Variants in CCT7 observed in about 807,000 individuals in gnomAD.
CCT7 encodes the protein T-complex protein 1 subunit eta.
CCT7 carries 16 observed loss-of-function variants against 56.6 expected under a neutral mutation model. The ratio of observed to expected loss-of-function variants is 0.28; its 90% CI spans 0.19 to 0.43. The LOEUF is 0.43. Ranked by LOEUF, CCT7 falls within the 20% of genes least tolerant of loss-of-function variation. CCT7 has a pLI of 1.00. For missense variants in CCT7, 519 were observed against 685.6 expected, an observed-to-expected ratio of 0.76 and a Z score of 2.71; for synonymous variants, 262 against 254.8, an observed-to-expected ratio of 1.03 and a Z score of -0.27.
chr2:73,234,451 C>G (rs1167672896), intron 1 of CCT7, 67 bp downstream of exon 1: 1 of 1,584,034 alleles, frequency 6.3e-7, no homozygotes. Flanking sequence ...GCCGCTCGGC[C>G]TGGGCTTGCT....
At chr2:73,239,536 C>T in intron 1 of CCT7, 107 bp from the exon 2 acceptor site, 3 of 1,015,560 alleles carry the variant, frequency 3.0e-6, no homozygotes, top group Admixed American at 4.7e-5. Flanking sequence ...TTAAGAAGAC[C>T]TCTAGATAAT....
chr2:73,250,589 G>A (rs1253387485), intron 10 of CCT7, 151 bp downstream of exon 10: 9 of 838,340 alleles, frequency 1.1e-5, no homozygotes, highest in South Asian at 1.7e-5. Flanking sequence ...ACAAATGGTA[G>A]AGAAACTGAG....
In CCT7 at chr2:73,240,332, G is replaced by T. The variant is rs546264723; in HGVS notation, c.161-105G>T. 17 of 656,570 alleles carry T rather than the reference G, an allele frequency of 2.6e-5. 1 individual carries two copies. The South Asian group carries it at 3.3e-4, about 13-fold the overall frequency. 40.7% of individuals were successfully genotyped at this position (656,570 alleles called of 1,614,324 possible). ...GGTATCCTTTCCCTTCAGCCCTGCCGTGATCCCCTCTGCCCCATCCCAGTA... is the reference window on the plus strand; with the variant it reads ...GGTATCCTTTCCCTTCAGCCCTGCCTTGATCCCCTCTGCCCCATCCCAGTA... On this transcript the variant is annotated intron_variant, in intron 2 of 11. Coordinates refer to ENST00000258091, the MANE Select transcript of CCT7 (RefSeq NM_006429.4).
intron 10 of CCT7, 44 bp from the exon 11 acceptor site, chr2:73,251,182 G>A (rs766505258): frequency 6.3e-7 from 1 of 1,586,326 alleles, no homozygotes; most frequent in African/African-American, 1.3e-5. Flanking sequence ...TGGAAGCTTG[G>A]ACCAGGGGCC....
chr2:73,250,253 T>C, intron 9 of CCT7, 53 bp from the exon 10 acceptor site: 1 of 1,607,406 alleles, frequency 6.2e-7, no homozygotes, highest in Non-Finnish European at 8.5e-7. Flanking sequence ...GACAATACAG[T>C]AGGATGGTGG....
At chr2:73,240,307 G>T in intron 2 of CCT7, 130 bp from the exon 3 acceptor site, 2 of 534,674 alleles carry the variant, frequency 3.7e-6, no homozygotes, top group East Asian at 3.1e-5. Context: ...AGATCAGATA[G>T]GTATCCTTTC....
intron 8 of CCT7, 108 bp from the exon 9 acceptor site, chr2:73,249,711 G>A: frequency 1.3e-6 from 1 of 760,934 alleles, no homozygotes; most frequent in Non-Finnish European, 2.4e-6. Context: ...GGCGGGTAAT[G>A]TAGAGGCTCT....
chr2:73,237,074 T>C (rs1686914151), intron 1 of CCT7, among the ~76,000 whole-genome samples: 9 of 152,238 alleles, frequency 5.9e-5, no homozygotes, highest in Admixed American at 5.9e-4. Context: ...ACTCTTCAAA[T>C]TAAGGTTATT....
intron 1 of CCT7, among the ~76,000 whole-genome samples, chr2:73,234,936 C>G (rs529971734): frequency 6.6e-6 from 1 of 152,162 alleles, no homozygotes; most frequent in Non-Finnish European, 1.5e-5. Context: ...TTCACTCATT[C>G]GCTCAGTCAT....
chr2:73,234,450 C>T (rs1015660016), intron 1 of CCT7, 66 bp downstream of exon 1: 2 of 1,584,782 alleles, frequency 1.3e-6, no homozygotes, highest in Non-Finnish European at 1.7e-6. Flanking sequence ...CGCCGCTCGG[C>T]CTGGGCTTGC....
chr2:73,249,071 T>C lies in CCT7; in HGVS notation c.864T>C (p.Val288=), dbSNP rs775018171. 3.8e-5 allele frequency: 62 copies of C among 1,614,076 alleles called. No homozygotes were observed. The highest frequency in any genetic ancestry group is 5.0e-5 in the Non-Finnish European group (59 of 1,180,036). The change falls in exon 8 of 12, where the codon GTT becomes GTC. Residue 288 remains valine, a synonymous_variant. Transcript: ENST00000258091. ...LEKIHHSGAK[V]VLSKLPIGDV... Reference sequence around the variant, plus strand: ...AGATCCATCATTCTGGAGCCAAAGTTGTCTTGTCCAAACTCCCCATTGGGG... The same window carrying C: ...AGATCCATCATTCTGGAGCCAAAGTCGTCTTGTCCAAACTCCCCATTGGGG...
chr2:73,247,999 G>A (rs2103798714), intron 7 of CCT7, 73 bp downstream of exon 7: 1 of 1,340,128 alleles, frequency 7.5e-7, no homozygotes. Flanking sequence ...GGTCTTCATG[G>A]CTATTGTGGG....
chr2:73,252,911 C>T lies in CCT7; in HGVS notation c.*50C>T, dbSNP rs892599307. ...TGGCTGGCTGCTGGGTGCACTTACCCTCCTTGGCTTGGTTACTTCATTTTA... is the reference window on the plus strand; with the variant it reads ...TGGCTGGCTGCTGGGTGCACTTACCTTCCTTGGCTTGGTTACTTCATTTTA... On this transcript the variant is annotated 3_prime_UTR_variant, in exon 12 of 12. Coordinates refer to ENST00000258091, the MANE Select transcript of CCT7 (RefSeq NM_006429.4). 3 of 1,416,558 alleles carry T rather than the reference C, an allele frequency of 2.1e-6. No individual in the cohort carries two copies. Among genetic ancestry groups the T allele is most frequent in the Non-Finnish European group, 3.0e-6 (3 of 1,014,400 alleles). The allele number at this position is 1,416,558 out of a possible 1,614,324, so 87.7% of individuals were successfully genotyped here. A position where few individuals can be genotyped will look rare whatever the true frequency, so the allele number is the denominator to read the frequency against.
intron 1 of CCT7, chr2:73,238,944 A>G (rs1401158768): frequency 2.0e-5 from 3 of 152,386 alleles, no homozygotes; most frequent in African/African-American, 4.8e-5. Context: ...GACCAATGCA[A>G]TATAGAAAGA....
chr2:73,250,403 CATG>C lies in CCT7; in HGVS notation c.1172_1174del (p.Asp391del). The C allele has an allele frequency of 6.2e-7, 1 of 1,614,130 alleles. No homozygotes were observed. Among genetic ancestry groups the C allele is most frequent in the East Asian group, 2.2e-5 (1 of 44,880 alleles). Reference sequence around the variant, plus strand: ...TATGGAGGAGACAGAGCGGTCCCTGCATGATGCCATCATGATCGTCAGGAGGGC... The same window carrying C: ...TATGGAGGAGACAGAGCGGTCCCTGCATGCCATCATGATCGTCAGGAGGGC... On this transcript the variant is annotated inframe_deletion, in exon 10 of 12. Transcript: ENST00000258091.
At chr2:73,235,514 A>G (rs147735592) in intron 1 of CCT7, 3 of 999,684 alleles carry the variant, frequency 3.0e-6, no homozygotes, top group South Asian at 4.7e-5. Context: ...GGAAATTAGC[A>G]TTTAACAGTA....
chr2:73,249,649 T>G (rs1250207035), intron 8 of CCT7, among the ~76,000 whole-genome samples, 170 bp from the exon 9 acceptor site: 1 of 152,174 alleles, frequency 6.6e-6, no homozygotes, highest in Non-Finnish European at 1.5e-5. Flanking sequence ...TATTTTGTTT[T>G]TTTTTTGCTC....
intron 4 of CCT7, 162 bp from the exon 5 acceptor site, chr2:73,243,835 A>G (rs879019254): frequency 4.6e-6 from 3 of 646,292 alleles, no homozygotes; most frequent in Non-Finnish European, 8.2e-6. Context: ...AGAGTTTTAC[A>G]TTTTTCTGAG....
At chr2:73,244,808 A>G in intron 6 of CCT7, 93 bp downstream of exon 6, 1 of 933,506 alleles carries the variant, frequency 1.1e-6, no homozygotes, top group Non-Finnish European at 1.6e-6. Flanking sequence ...TTACAGGAAT[A>G]AAGAGAATGC....
Sources: allele counts gnomAD v4.1 joint callset (sites outside exome capture counted in the v4.1 genomes callset), GRCh38; gene constraint gnomAD v4.1.1; transcripts MANE v1.5; gene names NCBI Gene and HGNC (gene_info 2026-07-23, HGNC 2026-07-21).